Variants in SLC28A3 observed in about 807,000 individuals in gnomAD.
SLC28A3 encodes the protein concentrative Na(+)-nucleoside cotransporter 3.
Under a neutral mutation model 84.2 loss-of-function variants are expected in SLC28A3, and 68 were observed. The observed-to-expected ratio is 0.81, with a 90% CI of 0.66 to 0.99. The LOEUF is 0.99. Ranked by LOEUF, SLC28A3 falls within the 50% of genes least tolerant of loss-of-function variation. SLC28A3 has a pLI of 0.00. For missense variants in SLC28A3, 712 were observed against 841.5 expected, an observed-to-expected ratio of 0.85 and a Z score of 1.90; for synonymous variants, 267 against 303.6, an observed-to-expected ratio of 0.88 and a Z score of 1.25.
intron 2 of SLC28A3, among the ~76,000 whole-genome samples, 185 bp from the exon 3 acceptor site, chr9:84,309,899 A>C (rs559565548): frequency 6.6e-6 from 1 of 152,266 alleles, no homozygotes; most frequent in African/African-American, 2.4e-5. Flanking sequence ...TCTCACACAA[A>C]AAATGCCAGG....
At chr9:84,328,720 C>A (rs1038659580) in intron 1 of SLC28A3, among the ~76,000 whole-genome samples, 1 of 152,186 alleles carries the variant, frequency 6.6e-6, no homozygotes, top group Non-Finnish European at 1.5e-5. Flanking sequence ...AATAACACCA[C>A]TGCACTTCAG....
intron 1 of SLC28A3, among the ~76,000 whole-genome samples, chr9:84,334,919 G>A (rs939168842): frequency 6.6e-6 from 1 of 151,968 alleles, no homozygotes; most frequent in Non-Finnish European, 1.5e-5. Context: ...ACTTTCCCTT[G>A]ACTTCTCCAG....
intron 1 of SLC28A3, among the ~76,000 whole-genome samples, chr9:84,333,328 C>T (rs73466573): frequency 0.11 from 16,299 of 151,994 alleles, 2,750 homozygotes; most frequent in African/African-American, 0.36. Flanking sequence ...ATGGGGGAAG[C>T]GTGTAGCTTT....
At chr9:84,285,834 G>A in intron 13 of SLC28A3, 109 bp downstream of exon 13, 1 of 1,252,762 alleles carries the variant, frequency 8.0e-7, no homozygotes, top group Non-Finnish European at 1.1e-6. Context: ...AGCTTCTACG[G>A]TGTGGAAGAG....
chr9:84,348,910 AT>A, the SLC28A3 span, among the ~76,000 whole-genome samples: 5,276 of 140,536 alleles, frequency 0.038, 200 homozygotes, highest in African/African-American at 0.1. Flanking sequence ...ATAAACTTGT[AT>A]TTTTTTTTTT....
rs186621053 is a variant in SLC28A3 at position 84,339,690 on chromosome 9, A to G, written c.60+884T>C. 3.3e-4 allele frequency among the ~76,000 whole-genome samples: 50 copies of G among 152,322 alleles called. 1 individual carries two copies. In the East Asian group the frequency reaches 6.2e-3, roughly 19 times the overall value. On this transcript the variant is annotated intron_variant, in intron 1 of 17. Coordinates refer to ENST00000376238, the MANE Select transcript of SLC28A3 (RefSeq NM_001199633.2). Reference sequence around the variant, plus strand: ...GTTTCCTCTCCTACACTTGTGACCTATAAGTGGTAACCCGATGCCTACTCA... The same window carrying G: ...GTTTCCTCTCCTACACTTGTGACCTGTAAGTGGTAACCCGATGCCTACTCA...
At chr9:84,332,261 A>G (rs1826817292) in intron 1 of SLC28A3, among the ~76,000 whole-genome samples, 2 of 152,234 alleles carry the variant, frequency 1.3e-5, no homozygotes, top group African/African-American at 2.4e-5. Flanking sequence ...TTGGGACAAT[A>G]TGGGAGGAAA....
chr9:84,298,556 C>T (rs1825507141), intron 6 of SLC28A3, among the ~76,000 whole-genome samples: 3 of 152,198 alleles, frequency 2.0e-5, no homozygotes, highest in Admixed American at 1.3e-4. Context: ...GTCTTCAGTC[C>T]AGGAAAGTAT....
intron 3 of SLC28A3, among the ~76,000 whole-genome samples, chr9:84,307,129 A>T (rs1239072028): frequency 7.0e-6 from 1 of 142,656 alleles, no homozygotes; most frequent in East Asian, 2.0e-4. Flanking sequence ...ACCCCGTCTC[A>T]ACCAAAAAAA....
intron 8 of SLC28A3, among the ~76,000 whole-genome samples, chr9:84,296,326 G>A (rs1334628676): frequency 1.3e-5 from 2 of 152,152 alleles, no homozygotes; most frequent in Non-Finnish European, 2.9e-5. Flanking sequence ...AACAGCAGAG[G>A]TTCTCTTCTC....
At chr9:84,338,200 C>T (rs1017636466) in intron 1 of SLC28A3, among the ~76,000 whole-genome samples, 1 of 152,210 alleles carries the variant, frequency 6.6e-6, no homozygotes, top group African/African-American at 2.4e-5. Context: ...ATTTCTAGCA[C>T]AATTCACAGA....
chr9:84,321,634 T>C (rs1482314314), intron 1 of SLC28A3, among the ~76,000 whole-genome samples: 1 of 147,196 alleles, frequency 6.8e-6, no homozygotes, highest in Non-Finnish European at 1.5e-5. Context: ...CTCAGGAGGC[T>C]GAGGCAGGAG....
the SLC28A3 span, among the ~76,000 whole-genome samples, chr9:84,351,021 A>G: frequency 6.6e-6 from 1 of 152,272 alleles, no homozygotes; most frequent in African/African-American, 2.4e-5. Context: ...TTTTTACCTT[A>G]TAAATGTTCT....
intron 2 of SLC28A3, 146 bp downstream of exon 2, chr9:84,313,213 C>A (rs1177116636): frequency 3.4e-6 from 2 of 590,468 alleles, no homozygotes; most frequent in Non-Finnish European, 5.7e-6. Flanking sequence ...TTCTTTACGA[C>A]TATGCCCCCA....
At chr9:84,319,019 T>C (rs10868145) in intron 1 of SLC28A3, among the ~76,000 whole-genome samples, 53,881 of 152,082 alleles carry the variant, frequency 0.35, 10,194 homozygotes, top group East Asian at 0.61. Context: ...AAATCTAAGA[T>C]GATTCCAGGG....
At chr9:84,340,782 G>C, upstream of SLC28A3, 1 of 692,244 alleles carries the variant, frequency 1.4e-6, no homozygotes, top group Non-Finnish European at 2.4e-6. Flanking sequence ...ATAATCTCCT[G>C]AATGACTAGG....
intron 9 of SLC28A3, among the ~76,000 whole-genome samples, chr9:84,293,114 A>G (rs1825301818): frequency 6.6e-6 from 1 of 152,262 alleles, no homozygotes; most frequent in African/African-American, 2.4e-5. Context: ...AATTCTTACA[A>G]TAACTCTTTG....
At chr9:84,327,351 T>C (rs1826600756) in intron 1 of SLC28A3, among the ~76,000 whole-genome samples, 1 of 125,336 alleles carries the variant, frequency 8.0e-6, no homozygotes, top group Non-Finnish European at 1.7e-5. Flanking sequence ...AACTACTTTT[T>C]CAGAACACCG....
chr9:84,307,763 T>C (rs986935938), intron 3 of SLC28A3, among the ~76,000 whole-genome samples: 4 of 152,216 alleles, frequency 2.6e-5, no homozygotes, highest in African/African-American at 9.6e-5. Context: ...CTCTATCAGG[T>C]TCTTTAATTG....
Sources: allele counts gnomAD v4.1 joint callset (sites outside exome capture counted in the v4.1 genomes callset), GRCh38; gene constraint gnomAD v4.1.1; transcripts MANE v1.5; gene names NCBI Gene and HGNC (gene_info 2026-07-23, HGNC 2026-07-21).